RASGEF1C: variants seen among roughly 807,000 people sequenced by gnomAD.
RASGEF1C encodes the protein ras-GEF domain-containing family member 1C.
In RASGEF1C, 27 loss-of-function variants were observed where a neutral mutation model predicts 58.1. The ratio of observed to expected loss-of-function variants is 0.46; its 90% CI spans 0.34 to 0.64. The LOEUF (loss-of-function observed/expected upper bound fraction) is 0.64. RASGEF1C is among the 30% of genes least tolerant of loss of function. RASGEF1C has a pLI of 0.01. For missense variants in RASGEF1C, 502 were observed against 605.1 expected, an observed-to-expected ratio of 0.83 and a Z score of 1.79; for synonymous variants, 243 against 246.3, an observed-to-expected ratio of 0.99 and a Z score of 0.13.
rs1317282032 is a variant in RASGEF1C, at chr5:180,143,816, T to A, written c.-6-5758A>T. 6.6e-6 allele frequency among the ~76,000 whole-genome samples: 1 copy of A among 152,158 alleles called. No homozygotes were observed. The highest frequency in any genetic ancestry group is 1.5e-5 in the Non-Finnish European group (1 of 68,018). ...CCCCACATCCCTCAGCATGGGTGGC[T>A]GGCATTAAACATCTGCAAAATGGAA... On this transcript the variant is annotated intron_variant, in intron 1 of 13. Coordinates refer to ENST00000361132, the MANE Select transcript of RASGEF1C (RefSeq NM_175062.4). The surrounding 1 kb of genome is among the most constrained non-coding windows in gnomAD (Gnocchi z 4.3).
At chr5:180,190,153 G>A (rs1287725059) in intron 1 of RASGEF1C, among the ~76,000 whole-genome samples, 2 of 151,830 alleles carry the variant, frequency 1.3e-5, no homozygotes, top group African/African-American at 4.8e-5. Flanking sequence ...CCAGGAGTTG[G>A]AGGCCAACCT....
chr5:180,137,532 G>C lies in RASGEF1C; in HGVS notation c.300+58C>G, dbSNP rs992047611. 9.5e-6 allele frequency: 15 copies of C among 1,578,460 alleles called. No homozygotes were observed. The East Asian group carries it at 3.3e-4, about 34-fold the overall frequency. Reference sequence around the variant, plus strand: ...CTCCCCGAGAGGCTGATGCGTTGAGGGCATGGCAGGGCAGTGCTGGTACAC... The same window carrying C: ...CTCCCCGAGAGGCTGATGCGTTGAGCGCATGGCAGGGCAGTGCTGGTACAC... On this transcript the variant is annotated intron_variant, in intron 3 of 13. Transcript: ENST00000361132. This position sits in a 1 kb window ranked among gnomAD's most constrained non-coding sequence, Gnocchi z 4.1.
intron 10 of RASGEF1C, 63 bp downstream of exon 10, chr5:180,118,546 A>C: frequency 2.8e-6 from 4 of 1,412,980 alleles, no homozygotes; most frequent in Non-Finnish European, 3.9e-6. Context: ...CAGCAAGTGA[A>C]CTCTGAGCCA....
intron 1 of RASGEF1C, among the ~76,000 whole-genome samples, chr5:180,206,489 C>T (rs1756489383): frequency 6.6e-6 from 1 of 152,146 alleles, no homozygotes; most frequent in South Asian, 2.1e-4. Flanking sequence ...TGTGATACAT[C>T]GGTGGTGGGA....
chr5:180,152,679 G>A (rs551644372), intron 1 of RASGEF1C, among the ~76,000 whole-genome samples: 36 of 150,700 alleles, frequency 2.4e-4, no homozygotes, highest in Non-Finnish European at 4.0e-4. Flanking sequence ...AAACCTGCAC[G>A]TTATGCACAT....
chr5:180,160,950 C>G (rs1050844898), intron 1 of RASGEF1C, among the ~76,000 whole-genome samples: 1 of 152,160 alleles, frequency 6.6e-6, no homozygotes, highest in Non-Finnish European at 1.5e-5. Flanking sequence ...GCAAGACAGA[C>G]GACAGAAAAC....
intron 1 of RASGEF1C, among the ~76,000 whole-genome samples, chr5:180,171,160 G>C (rs1295822526): frequency 2.6e-5 from 4 of 152,138 alleles, no homozygotes; most frequent in Non-Finnish European, 5.9e-5. Context: ...CACATCTTCA[G>C]GGGGAAGGAG....
Position 180,197,883 on chromosome 5 carries a change from T to A in RASGEF1C, c.-7+11145A>T, listed in dbSNP as rs1338908291. On this transcript the variant is annotated intron_variant, in intron 1 of 13. Transcript: ENST00000361132. The surrounding 1 kb of genome is among the most constrained non-coding windows in gnomAD (Gnocchi z 4.7). ...ATATTTCCTCTGCAGGGGCACTAAT[T>A]AGCTGATTCCAAGAGTCTGCACTGC... Among the ~76,000 whole-genome samples the A allele has an allele frequency of 6.6e-6, 1 of 152,224 alleles. No individual in the cohort carries two copies. Among genetic ancestry groups the A allele is most frequent in the African/African-American group, 2.4e-5 (1 of 41,456 alleles).
At chr5:180,103,451 G>C (rs935603302) in intron 12 of RASGEF1C, among the ~76,000 whole-genome samples, 1 of 152,208 alleles carries the variant, frequency 6.6e-6, no homozygotes, top group African/African-American at 2.4e-5. Flanking sequence ...TCATGTGAGT[G>C]ACTGTAAATG....
At chr5:180,182,451 G>A (rs1043859663) in intron 1 of RASGEF1C, among the ~76,000 whole-genome samples, 3 of 152,128 alleles carry the variant, frequency 2.0e-5, no homozygotes, top group Admixed American at 1.3e-4. Context: ...TTCCACAGCT[G>A]GAAGAGAACC....
chr5:180,188,959 A>G (rs1756098960), intron 1 of RASGEF1C, among the ~76,000 whole-genome samples: 1 of 152,238 alleles, frequency 6.6e-6, no homozygotes, highest in Admixed American at 6.5e-5. Flanking sequence ...AGACAAAAGA[A>G]AGAAAGAAAC....
intron 12 of RASGEF1C, among the ~76,000 whole-genome samples, chr5:180,109,401 T>C (rs1561729485): frequency 6.6e-6 from 1 of 152,042 alleles, no homozygotes; most frequent in Non-Finnish European, 1.5e-5. Flanking sequence ...GAGCTTGCAG[T>C]GAGCCGAGAT....
chr5:180,201,757 G>C (rs923763936), intron 1 of RASGEF1C, among the ~76,000 whole-genome samples: 1 of 152,202 alleles, frequency 6.6e-6, no homozygotes, highest in Non-Finnish European at 1.5e-5. Flanking sequence ...ATTAGGTCTC[G>C]AGGGCAGAGC....
At position 180,197,234 on chromosome 5, in the gene RASGEF1C, G is replaced by A. The variant is rs1421406285; in HGVS notation, c.-7+11794C>T. On this transcript the variant is annotated intron_variant, in intron 1 of 13. Coordinates refer to ENST00000361132, the MANE Select transcript of RASGEF1C (RefSeq NM_175062.4). This position sits in a 1 kb window ranked among gnomAD's most constrained non-coding sequence, Gnocchi z 4.7. ...GGAGCTCTCTGCCTTGCCTCCCTCA[G>A]CCACACACCTGTGAATCACTCAACA... is the stretch of plus-strand genomic sequence containing the variant. 2.6e-5 allele frequency among the ~76,000 whole-genome samples: 4 copies of A among 152,212 alleles called. No individual in the cohort carries two copies. Among genetic ancestry groups the A allele is most frequent in the Non-Finnish European group, 5.9e-5 (4 of 68,042 alleles).
rs1449257083 is a variant in RASGEF1C, at chr5:180,101,663, T to C, written c.1377-138A>G. Reference sequence around the variant, plus strand: ...CCCAGAGGGGTGTTCTGCAAATCCCTGGGGCTCAGCCCTCGAAGTCCATTG... The same window carrying C: ...CCCAGAGGGGTGTTCTGCAAATCCCCGGGGCTCAGCCCTCGAAGTCCATTG... On this transcript the variant is annotated intron_variant, in intron 13 of 13. Coordinates refer to ENST00000361132, the MANE Select transcript of RASGEF1C (RefSeq NM_175062.4). The C allele has an allele frequency of 6.5e-6, 7 of 1,078,312 alleles. No homozygotes were observed. The East Asian group carries it at 1.8e-4, about 28-fold the overall frequency. The allele number at this position is 1,078,312 out of a possible 1,614,324, so 66.8% of individuals were successfully genotyped here. A position where few individuals can be genotyped will look rare whatever the true frequency, so the allele number is the denominator to read the frequency against.
chr5:180,154,996 C>A (rs1289988187), intron 1 of RASGEF1C, among the ~76,000 whole-genome samples: 1 of 152,150 alleles, frequency 6.6e-6, no homozygotes, highest in African/African-American at 2.4e-5. Flanking sequence ...AAGCCAGGTG[C>A]TGGCACTGGG....
rs1766113333 is a variant in RASGEF1C, at chr5:180,118,657, C to G, written c.1035G>C (p.Leu345=). 6.2e-7 allele frequency: 1 copy of G among 1,613,948 alleles called. No homozygotes were observed. The highest frequency in any genetic ancestry group is 8.5e-7 in the Non-Finnish European group (1 of 1,179,992). ...TGNFCNYRTA[L]RGAAHRSLTA... The stretch of plus-strand genomic sequence containing the variant: ...TCAGGGAGCGGTGGGCCGCCCCGCG[C>G]AGGGCTGTCCTGTAGTTGCAGAAAT... The change falls in exon 10 of 14, where the codon CTG becomes CTC. Residue 345 remains leucine, a synonymous_variant. Transcript: ENST00000361132.
At position 180,177,095 on chromosome 5, in the gene RASGEF1C, TGGA is replaced by T. The variant is rs1767242020; in HGVS notation, c.-7+31930_-7+31932del. Among the ~76,000 whole-genome samples, 1 of 151,774 alleles carries T rather than the reference TGGA, an allele frequency of 6.6e-6. No homozygotes were observed. On this transcript the variant is annotated intron_variant, in intron 1 of 13. Transcript: ENST00000361132. This position sits in a 1 kb window ranked among gnomAD's most constrained non-coding sequence, Gnocchi z 5.0. ...CAAGGGACGGCAACTTTTGCCAGCATGGAGGAGGACCAGGGTGAGAGGTGAGAC... is the reference window on the plus strand; with the variant it reads ...CAAGGGACGGCAACTTTTGCCAGCATGGAGGACCAGGGTGAGAGGTGAGAC...
intron 1 of RASGEF1C, among the ~76,000 whole-genome samples, chr5:180,161,295 G>A (rs926502891): frequency 5.3e-5 from 8 of 152,260 alleles, no homozygotes; most frequent in Non-Finnish European, 1.0e-4. Context: ...GACTCCCTCC[G>A]CCCCGCTTCC....
Sources: allele counts gnomAD v4.1 joint callset (sites outside exome capture counted in the v4.1 genomes callset), GRCh38; gene constraint gnomAD v4.1.1; non-coding constraint Gnocchi (gnomAD v3.1); transcripts MANE v1.5; gene names NCBI Gene and HGNC (gene_info 2026-07-23, HGNC 2026-07-21).